The following HDAC4 variants were observed in gnomAD, a reference collection of about 807,000 sequenced individuals.
The protein encoded by HDAC4 is histone deacetylase A.
A neutral mutation model predicts 135.1 loss-of-function variants in HDAC4; 16 were observed. The ratio of observed to expected loss-of-function variants is 0.12; its 90% CI spans 0.08 to 0.18. HDAC4 has a LOEUF of 0.18. Among genes scored for constraint, HDAC4 ranks in the 10% least tolerant of loss-of-function variants. The pLI is 1.00. For synonymous variants in HDAC4, 685 were observed against 653.4 expected (o/e 1.05, Z -0.74); for missense variants, 1,143 against 1,511.8 (o/e 0.76, Z 4.05).
At chr2:239,190,557 G>C (rs1158383666) in intron 3 of HDAC4, among the ~76,000 whole-genome samples, 1 of 152,236 alleles carries the variant, frequency 6.6e-6, no homozygotes, top group Non-Finnish European at 1.5e-5. Flanking sequence ...CCGTGCCGCT[G>C]TGAGAGCCAC....
intron 2 of HDAC4, among the ~76,000 whole-genome samples, chr2:239,247,773 C>A (rs553913025): frequency 6.6e-6 from 1 of 152,302 alleles, no homozygotes; most frequent in East Asian, 1.9e-4. Context: ...TGCGGAAAGT[C>A]TAGGCAGGCA....
At chr2:239,197,106 C>A (rs1488943561) in intron 3 of HDAC4, among the ~76,000 whole-genome samples, 3 of 152,190 alleles carry the variant, frequency 2.0e-5, no homozygotes, top group Non-Finnish European at 4.4e-5. Flanking sequence ...TCTCACTCTG[C>A]AGAACTCAGG....
intron 15 of HDAC4, 70 bp from the exon 16 acceptor site, chr2:239,102,966 C>T: frequency 6.3e-7 from 1 of 1,596,588 alleles, no homozygotes; most frequent in Non-Finnish European, 8.6e-7. Flanking sequence ...CAGACAGAAA[C>T]TCCAACTGAA....
chr2:239,338,752 A>G (rs1692106779), intron 2 of HDAC4, among the ~76,000 whole-genome samples: 1 of 152,236 alleles, frequency 6.6e-6, no homozygotes, highest in African/African-American at 2.4e-5. Flanking sequence ...AGCTCAGTCC[A>G]TCCAGAAGAT....
chr2:239,149,790 G>A (rs1194103674), intron 7 of HDAC4, among the ~76,000 whole-genome samples: 2 of 152,118 alleles, frequency 1.3e-5, no homozygotes, highest in African/African-American at 4.8e-5. Flanking sequence ...ACACCAACAG[G>A]CTCGCCATCT....
rs536151754 is a variant in HDAC4 at position 239,395,985 on chromosome 2, T to TG, written c.-220+4992dup. Among the ~76,000 whole-genome samples the TG allele has an allele frequency of 3.3e-5, 5 of 152,216 alleles. No homozygotes were observed. In the East Asian group the frequency reaches 5.8e-4, roughly 18 times the overall value. On this transcript the variant is annotated intron_variant, in intron 1 of 26. Transcript: ENST00000543185. ...TATACATTACATATATAAACTTTTT[T>TG]GGGGGGGACAGCCCAGGGTCTCGCT...
intron 2 of HDAC4, among the ~76,000 whole-genome samples, chr2:239,250,529 T>C (rs1388410262): frequency 2.0e-5 from 3 of 152,308 alleles, no homozygotes; most frequent in Middle Eastern, 3.4e-3. Context: ...CAGCAGCTTG[T>C]CTTGGGGCAG....
intron 16 of HDAC4, among the ~76,000 whole-genome samples, chr2:239,096,723 A>AT (rs2037131121): frequency 1.2e-5 from 1 of 83,776 alleles, no homozygotes; most frequent in South Asian, 4.7e-4. Context: ...GGACACCAGC[A>AT]CCCCCCACGG....
At chr2:239,170,656 C>A (rs902809162) in intron 5 of HDAC4, among the ~76,000 whole-genome samples, 8 of 152,170 alleles carry the variant, frequency 5.3e-5, no homozygotes, top group African/African-American at 1.9e-4. Context: ...TTCAATTAAA[C>A]CTACTGGAAA....
intron 19 of HDAC4, 33 bp from the exon 20 acceptor site, chr2:239,084,275 G>A (rs373106285): frequency 6.3e-5 from 95 of 1,518,868 alleles, no homozygotes; most frequent in East Asian, 2.1e-4. Flanking sequence ...GAGACGAAGC[G>A]CAGGTGGGCG....
At chr2:239,065,120 C>G (rs533426991) in intron 24 of HDAC4, among the ~76,000 whole-genome samples, 1 of 152,192 alleles carries the variant, frequency 6.6e-6, no homozygotes, top group Non-Finnish European at 1.5e-5. Flanking sequence ...AGCTTTCCAT[C>G]GGGGGAGGCT....
chr2:239,273,112 G>C (rs1022229589), intron 2 of HDAC4, among the ~76,000 whole-genome samples: 4 of 152,128 alleles, frequency 2.6e-5, no homozygotes, highest in African/African-American at 9.7e-5. Context: ...ACTGAGATGA[G>C]GGATTATCAG....
At chr2:239,230,245 G>C (rs1461362284) in intron 3 of HDAC4, among the ~76,000 whole-genome samples, 1 of 151,940 alleles carries the variant, frequency 6.6e-6, no homozygotes, top group Non-Finnish European at 1.5e-5. Flanking sequence ...GTCAAGAAGG[G>C]GGTCCATTCA....
intron 3 of HDAC4, among the ~76,000 whole-genome samples, chr2:239,210,541 T>C (rs924222308): frequency 2.0e-5 from 3 of 152,224 alleles, no homozygotes; most frequent in Non-Finnish European, 4.4e-5. Flanking sequence ...TGTACATTTA[T>C]TACCCGGCCT....
At chr2:239,288,841 T>C (rs2051295565) in intron 2 of HDAC4, among the ~76,000 whole-genome samples, 2 of 152,162 alleles carry the variant, frequency 1.3e-5, no homozygotes. Context: ...CACACAAATA[T>C]ACTGTCAGGA....
chr2:239,320,186 C>T (rs1024862387), intron 2 of HDAC4, among the ~76,000 whole-genome samples: 1 of 151,952 alleles, frequency 6.6e-6, no homozygotes, highest in Non-Finnish European at 1.5e-5. Flanking sequence ...AGTTCAAGAC[C>T]AGCCTGGCCA....
At chr2:239,198,635 C>T (rs879790091) in intron 3 of HDAC4, among the ~76,000 whole-genome samples, 3 of 152,210 alleles carry the variant, frequency 2.0e-5, no homozygotes, top group African/African-American at 4.8e-5. Context: ...CAGTGCTCCT[C>T]GTGGTTGGCT....
intron 19 of HDAC4, among the ~76,000 whole-genome samples, chr2:239,084,453 ACGCG>A (rs1470701371): frequency 1.5e-5 from 2 of 133,334 alleles, no homozygotes; most frequent in African/African-American, 2.7e-5. Flanking sequence ...ACACACTCAC[ACGCG>A]TGCGCGCGCA....
intron 3 of HDAC4, among the ~76,000 whole-genome samples, chr2:239,213,772 G>A (rs558919276): frequency 6.6e-6 from 1 of 152,380 alleles, no homozygotes; most frequent in Admixed American, 6.5e-5. Flanking sequence ...CAGGGACAGA[G>A]TGAGCCTTCA....
Sources: gnomAD v4.1 joint callset for allele counts (sites outside exome capture counted in the v4.1 genomes callset) on GRCh38, gnomAD v4.1.1 for gene constraint, MANE v1.5 for transcripts, NCBI Gene and HGNC (gene_info 2026-07-23, HGNC 2026-07-21) for gene names.